The following DICER1 variants were observed in gnomAD, a reference collection of about 807,000 sequenced individuals.
The protein encoded by DICER1 is dicer 1, ribonuclease III.
A neutral mutation model predicts 194.1 loss-of-function variants in DICER1; 43 were observed. The ratio of observed to expected loss-of-function variants is 0.22; its 90% CI spans 0.17 to 0.29. The LOEUF (loss-of-function observed/expected upper bound fraction) is 0.29, where lower values mean the gene tolerates loss of function less well. Among genes scored for constraint, DICER1 ranks in the 10% least tolerant of loss-of-function variants. DICER1 has a pLI of 1.00. For synonymous variants in DICER1, 832 were observed against 820.5 expected (o/e 1.01, Z -0.24); for missense variants, 1,608 against 2,317.0 (o/e 0.69, Z 6.28).
At chr14:95,155,218 G>T (rs1419481116) in intron 1 of DICER1, among the ~76,000 whole-genome samples, 1 of 152,160 alleles carries the variant, frequency 6.6e-6, no homozygotes, top group East Asian at 1.9e-4. Flanking sequence ...AAACATCTTG[G>T]CGCATAACAA....
rs1224450937 is a variant in DICER1 at position 95,099,301 on chromosome 14, AT to A, written c.4206+478del. Among the ~76,000 whole-genome samples, 877 of 146,870 alleles carry A rather than the reference AT, an allele frequency of 6.0e-3. 3 individuals carry two copies. The highest frequency in any genetic ancestry group is 0.015 in the East Asian group (74 of 5,092). On this transcript the variant is annotated intron_variant, in intron 22 of 26. Transcript: ENST00000343455. ...CAGAAAATAACAATCTTTATGGATGATTTTTTTTTTTTAAGTTCACAGGAGT... is the reference window on the plus strand; with the variant it reads ...CAGAAAATAACAATCTTTATGGATGATTTTTTTTTTTAAGTTCACAGGAGT...
intron 1 of DICER1, among the ~76,000 whole-genome samples, chr14:95,137,355 AGGAAGGAAAAGGGAAGGGGGAAGG>A (rs1260966997): frequency 8.4e-5 from 9 of 107,748 alleles, no homozygotes; most frequent in Non-Finnish European, 1.6e-4. Context: ...GAAGGGAAAG[AGGAAGGAAAAGGGAAGGGGGAAGG>A]GGAAGGAAAA....
At chr14:95,107,472 A>G (rs772687868) in intron 17 of DICER1, 136 bp downstream of exon 17, 5 of 831,186 alleles carry the variant, frequency 6.0e-6, no homozygotes, top group Non-Finnish European at 8.3e-6. Flanking sequence ...GGATGGTCTC[A>G]ATCTCCTGAC....
At chr14:95,143,262 C>T (rs1394290873) in intron 1 of DICER1, among the ~76,000 whole-genome samples, 1 of 152,162 alleles carries the variant, frequency 6.6e-6, no homozygotes, top group Admixed American at 6.5e-5. Flanking sequence ...TCACTTAGGA[C>T]AGCCATGGTA....
chr14:95,092,479 T>C (rs1000022943), intron 24 of DICER1, among the ~76,000 whole-genome samples: 1 of 152,202 alleles, frequency 6.6e-6, no homozygotes, highest in African/African-American at 2.4e-5. Context: ...CAAAGTTACA[T>C]ATAATACATT....
intron 1 of DICER1, among the ~76,000 whole-genome samples, chr14:95,138,185 T>C (rs1409004558): frequency 6.6e-6 from 1 of 151,856 alleles, no homozygotes; most frequent in Non-Finnish European, 1.5e-5. Context: ...GTTCCTGGCA[T>C]TTCAAAGGAC....
At chr14:95,115,851 G>T in intron 10 of DICER1, 30 bp from the exon 11 acceptor site, 1 of 1,611,182 alleles carries the variant, frequency 6.2e-7, no homozygotes, top group Non-Finnish European at 8.5e-7. Flanking sequence ...AACTTATGAT[G>T]AAAACACATC....
chr14:95,144,866 CCTT>C (rs1173465544), intron 1 of DICER1, among the ~76,000 whole-genome samples: 4 of 152,146 alleles, frequency 2.6e-5, no homozygotes, highest in African/African-American at 9.7e-5. Flanking sequence ...ATAAACTCCC[CCTT>C]CTTCTACACC....
intron 22 of DICER1, among the ~76,000 whole-genome samples, chr14:95,098,421 T>C (rs1439646038): frequency 2.0e-5 from 3 of 152,210 alleles, no homozygotes; most frequent in Non-Finnish European, 4.4e-5. Flanking sequence ...CTTTTCAATA[T>C]AATGCAAGGG....
At chr14:95,110,708 A>G (rs1891881014) in intron 14 of DICER1, among the ~76,000 whole-genome samples, 1 of 152,220 alleles carries the variant, frequency 6.6e-6, no homozygotes, top group African/African-American at 2.4e-5. Flanking sequence ...ATATTTTAAA[A>G]ATAAATACTT....
Position 95,129,714 on chromosome 14 carries a change from T to C in DICER1, c.574-82A>G, listed in dbSNP as rs1199578883. 6 of 1,291,178 alleles carry C rather than the reference T, an allele frequency of 4.6e-6. No individual in the cohort carries two copies. The East Asian group carries it at 7.2e-5, about 15-fold the overall frequency. 80.0% of individuals were successfully genotyped at this position (1,291,178 alleles called of 1,614,324 possible). A position where few individuals can be genotyped will look rare whatever the true frequency, so the allele number is the denominator to read the frequency against. On this transcript the variant is annotated intron_variant, in intron 5 of 26. Coordinates refer to ENST00000343455, the MANE Select transcript of DICER1 (RefSeq NM_177438.3). ...AGAGACATCGCCATATTAAAACATA[T>C]CAAAATCACTAACAAATAGTAAAAA...
At chr14:95,156,665 G>C (rs1416155491) in intron 1 of DICER1, among the ~76,000 whole-genome samples, 1 of 152,206 alleles carries the variant, frequency 6.6e-6, no homozygotes, top group Admixed American at 6.5e-5. Flanking sequence ...GAGGGGAGAG[G>C]CAAAAGAATG....
At chr14:95,137,905 G>A (rs1233365765) in intron 1 of DICER1, 1 of 154,688 alleles carries the variant, frequency 6.5e-6, no homozygotes, top group Admixed American at 6.5e-5. Context: ...CACAAGAGAG[G>A]GAGAGAGATC....
intron 1 of DICER1, among the ~76,000 whole-genome samples, chr14:95,138,176 T>C (rs1894549324): frequency 6.6e-6 from 1 of 152,042 alleles, no homozygotes; most frequent in African/African-American, 2.4e-5. Flanking sequence ...CCAGGTTCTG[T>C]TCCTGGCATT....
rs553116282 is a variant in DICER1 at position 95,129,521 on chromosome 14, T to C, written c.685A>G (p.Ile229Val). 1.2e-6 allele frequency: 2 copies of C among 1,613,952 alleles called. No homozygotes were observed. Among genetic ancestry groups the C allele is most frequent in the Non-Finnish European group, 1.7e-6 (2 of 1,179,904 alleles). ...LEEKIQKLEK[I>V]LKSNAETATD... ...GCAGTTTCAGCATTACTCTTAAGAATTTTCTCTAGTTTCTGAATCTTTTCT... is the reference window on the plus strand; with the variant it reads ...GCAGTTTCAGCATTACTCTTAAGAACTTTCTCTAGTTTCTGAATCTTTTCT... The change falls in exon 6 of 27, where the codon ATT becomes GTT. Residue 229 changes from isoleucine (I) to valine (V), a missense_variant. This residue lies in a region of DICER1 where 657 missense variants were observed against 910.1 expected (regional missense o/e 0.72). Coordinates refer to ENST00000343455, the MANE Select transcript of DICER1 (RefSeq NM_177438.3).
chr14:95,137,048 A>G (rs1476118556), intron 1 of DICER1, among the ~76,000 whole-genome samples: 5 of 152,262 alleles, frequency 3.3e-5, no homozygotes, highest in African/African-American at 1.2e-4. Flanking sequence ...AGGAAAGCAA[A>G]GAACAGATAT....
chr14:95,156,487 T>C (rs1566838457), intron 1 of DICER1, among the ~76,000 whole-genome samples: 3 of 152,188 alleles, frequency 2.0e-5, no homozygotes, highest in Non-Finnish European at 4.4e-5. Flanking sequence ...CACTCAGTGG[T>C]TTGCTGGCTC....
At chr14:95,118,014 AGCTGATTTG>A (rs992970594) in intron 8 of DICER1, among the ~76,000 whole-genome samples, 1 of 152,206 alleles carries the variant, frequency 6.6e-6, no homozygotes, top group Non-Finnish European at 1.5e-5. Context: ...TACCTCCAAC[AGCTGATTTG>A]GCGACGGTGA....
intron 1 of DICER1, among the ~76,000 whole-genome samples, chr14:95,145,731 T>C (rs796274578): frequency 2.0e-5 from 3 of 152,158 alleles, no homozygotes; most frequent in African/African-American, 7.2e-5. Flanking sequence ...CATATTTAAA[T>C]ACAAAACACA....
Sources: gnomAD v4.1 joint callset for allele counts (sites outside exome capture counted in the v4.1 genomes callset) on GRCh38, gnomAD v4.1.1 for gene constraint, gnomAD v4.1.1 regional missense constraint, MANE v1.5 for transcripts, NCBI Gene and HGNC (gene_info 2026-07-23, HGNC 2026-07-21) for gene names.